PRKG1: variants seen among roughly 807,000 people sequenced by gnomAD.
The protein encoded by PRKG1 is protein kinase cGMP-dependent 1.
A neutral mutation model predicts 88.1 loss-of-function variants in PRKG1; 35 were observed. That is an observed-to-expected ratio of 0.40 (90% CI 0.30 to 0.53). The LOEUF is 0.53. Among genes scored for constraint, PRKG1 ranks in the 20% least tolerant of loss-of-function variants. PRKG1 has a pLI of 0.59. For missense variants in PRKG1, 540 were observed against 839.8 expected (o/e 0.64, Z 4.41); for synonymous variants, 303 against 292.5 (o/e 1.04, Z -0.37).
At chr10:51,586,082 A>G (rs1197112315) in intron 3 of PRKG1, among the ~76,000 whole-genome samples, 1 of 152,144 alleles carries the variant, frequency 6.6e-6, no homozygotes, top group Non-Finnish European at 1.5e-5. Context: ...GTATCACGCA[A>G]CATACCCATT....
At chr10:51,340,402 T>A (rs538058721) in intron 2 of PRKG1, among the ~76,000 whole-genome samples, 55 of 152,278 alleles carry the variant, frequency 3.6e-4, no homozygotes, top group Admixed American at 2.0e-3. Context: ...TAAATCATCT[T>A]CCTCTTATCA....
chr10:51,695,839 T>G (rs540166587), intron 3 of PRKG1: 18 of 152,194 alleles, frequency 1.2e-4, no homozygotes, highest in Non-Finnish European at 2.2e-4. Context: ...ATAACTCAAT[T>G]TCTACATTTT....
At chr10:51,102,704 CA>C (rs1225752494) in intron 1 of PRKG1, among the ~76,000 whole-genome samples, 4 of 152,128 alleles carry the variant, frequency 2.6e-5, no homozygotes, top group Non-Finnish European at 5.9e-5. Flanking sequence ...CAGTCTGTTG[CA>C]AGGACCATAG....
intron 2 of PRKG1, among the ~76,000 whole-genome samples, chr10:51,375,483 T>C (rs758124419): frequency 1.3e-5 from 2 of 152,034 alleles, no homozygotes; most frequent in Non-Finnish European, 2.9e-5. Context: ...GCATCTCATA[T>C]GTGAAAATCT....
chr10:52,151,735 A>G lies in PRKG1; in HGVS notation c.1002-10154A>G, dbSNP rs527423442. ...TTTTTAAGGAAAAGGAAACATATAG[A>G]CTGGGCACATTAGGGCAATCTATTC... On this transcript the variant is annotated intron_variant, in intron 8 of 17. Transcript: ENST00000373980. Among the ~76,000 whole-genome samples, 6 of 152,318 alleles carry G rather than the reference A, an allele frequency of 3.9e-5. No individual in the cohort carries two copies. In the East Asian group the frequency reaches 1.2e-3, roughly 29 times the overall value.
At chr10:51,420,685 G>A (rs955227673) in intron 2 of PRKG1, among the ~76,000 whole-genome samples, 25 of 152,236 alleles carry the variant, frequency 1.6e-4, no homozygotes, top group African/African-American at 6.0e-4. Context: ...GTACCTTCAG[G>A]TTGTATTAGG....
chr10:51,675,306 T>C (rs1291512643), intron 3 of PRKG1, among the ~76,000 whole-genome samples: 1 of 152,210 alleles, frequency 6.6e-6, no homozygotes, highest in African/African-American at 2.4e-5. Context: ...ACTAGCATAC[T>C]TATACTGGCA....
At chr10:51,759,028 A>G (rs567986831) in intron 3 of PRKG1, among the ~76,000 whole-genome samples, 2 of 152,084 alleles carry the variant, frequency 1.3e-5, no homozygotes, top group Non-Finnish European at 2.9e-5. Context: ...ACATGAACTC[A>G]TCCTTTTTTA....
intron 4 of PRKG1, among the ~76,000 whole-genome samples, chr10:51,874,182 C>A (rs978826377): frequency 6.6e-6 from 1 of 152,162 alleles, no homozygotes; most frequent in Non-Finnish European, 1.5e-5. Context: ...CCCAATCTTG[C>A]TGAGCTTCTC....
intron 3 of PRKG1, among the ~76,000 whole-genome samples, chr10:51,751,728 T>C (rs1297376259): frequency 2.0e-5 from 3 of 152,190 alleles, no homozygotes; most frequent in African/African-American, 4.8e-5. Context: ...CTTTCCTTCA[T>C]TGTAGCCAGC....
At chr10:51,913,171 C>T (rs569525791) in intron 5 of PRKG1, among the ~76,000 whole-genome samples, 164 of 152,238 alleles carry the variant, frequency 1.1e-3, no homozygotes, top group African/African-American at 3.5e-3. Context: ...TCAGGTGATC[C>T]GCCCGCCTTG....
intron 9 of PRKG1, among the ~76,000 whole-genome samples, chr10:52,194,928 T>G (rs1839464969): frequency 6.6e-6 from 1 of 152,140 alleles, no homozygotes; most frequent in Non-Finnish European, 1.5e-5. Context: ...GGAGACCACC[T>G]GAGGGCTTCC....
chr10:51,330,612 A>G (rs995844630), intron 2 of PRKG1, among the ~76,000 whole-genome samples: 20 of 151,828 alleles, frequency 1.3e-4, no homozygotes, highest in African/African-American at 4.4e-4. Flanking sequence ...GATCTTTTCT[A>G]CTGTCAATGA....
chr10:51,804,829 A>T, intron 4 of PRKG1, 139 bp downstream of exon 4: 1 of 600,698 alleles, frequency 1.7e-6, no homozygotes, highest in Non-Finnish European at 2.9e-6. Context: ...GAGATGTAAG[A>T]CTTCGAACAT....
intron 3 of PRKG1, among the ~76,000 whole-genome samples, chr10:51,713,491 CTAAG>C (rs1841810462): frequency 1.3e-5 from 2 of 152,108 alleles, no homozygotes; most frequent in Non-Finnish European, 2.9e-5. Flanking sequence ...CCTACCAACT[CTAAG>C]TTATTTCACA....
intron 5 of PRKG1, among the ~76,000 whole-genome samples, chr10:52,007,537 T>C (rs544502908): frequency 3.3e-5 from 5 of 151,900 alleles, no homozygotes; most frequent in Admixed American, 6.6e-5. Flanking sequence ...TGAACAGCAT[T>C]ATATAATGGT....
intron 1 of PRKG1, among the ~76,000 whole-genome samples, chr10:51,007,069 G>GCTGGGATTA (rs367925909): frequency 5.3e-4 from 80 of 151,860 alleles, no homozygotes; most frequent in African/African-American, 1.8e-3. Flanking sequence ...CTCTGGAGTA[G>GCTGGGATTA]CTGGGATTAC....
chr10:51,845,886 A>G (rs904059442), intron 4 of PRKG1, among the ~76,000 whole-genome samples: 1 of 152,052 alleles, frequency 6.6e-6, no homozygotes, highest in Non-Finnish European at 1.5e-5. Context: ...ATTGTCCTTT[A>G]CTGAAAGTTA....
chr10:51,952,174 T>C (rs1843200656), intron 5 of PRKG1, among the ~76,000 whole-genome samples: 1 of 152,226 alleles, frequency 6.6e-6, no homozygotes, highest in Non-Finnish European at 1.5e-5. Context: ...AACTTCAATA[T>C]ATAATGTGGG....
Sources: allele counts gnomAD v4.1 joint callset (sites outside exome capture counted in the v4.1 genomes callset), GRCh38; gene constraint gnomAD v4.1.1; transcripts MANE v1.5; gene names NCBI Gene and HGNC (gene_info 2026-07-23, HGNC 2026-07-21).